The following USO1 variants were observed in gnomAD, a reference collection of about 807,000 sequenced individuals.
USO1 encodes USO1 vesicle transport factor.
In USO1, 57 loss-of-function variants were observed where a neutral mutation model predicts 124.5. The observed-to-expected ratio is 0.46, with a 90% CI of 0.37 to 0.57. The LOEUF is 0.57. Ranked by LOEUF, USO1 falls within the 20% of genes least tolerant of loss-of-function variation. USO1 has a pLI of 0.00. For synonymous variants in USO1, 369 were observed against 362.8 expected (o/e 1.02, Z -0.19); for missense variants, 900 against 1,040.6 (o/e 0.86, Z 1.86).
chr4:75,769,075 C>T (rs937311971), intron 4 of USO1, among the ~76,000 whole-genome samples: 1 of 152,126 alleles, frequency 6.6e-6, no homozygotes, highest in Non-Finnish European at 1.5e-5. Flanking sequence ...CTTTTCTTTC[C>T]CCACACTCCT....
At chr4:75,769,636 TGA>T (rs1383942883) in intron 4 of USO1, among the ~76,000 whole-genome samples, 1 of 152,018 alleles carries the variant, frequency 6.6e-6, no homozygotes, top group Non-Finnish European at 1.5e-5. Flanking sequence ...CTGGTGTGAG[TGA>T]GAGAATGGGA....
intron 9 of USO1, among the ~76,000 whole-genome samples, chr4:75,783,525 A>G (rs1192334944): frequency 2.6e-5 from 4 of 152,208 alleles, no homozygotes; most frequent in Admixed American, 2.6e-4. Context: ...CTCCTTCTCC[A>G]AACTGTTAAG....
chr4:75,749,682 T>TG lies in USO1; in HGVS notation c.67-2690dup, dbSNP rs940072487. Among the ~76,000 whole-genome samples, 10 of 150,044 alleles carry TG rather than the reference T, an allele frequency of 6.7e-5. No homozygotes were observed. The East Asian group carries it at 1.9e-3, about 29-fold the overall frequency. ...ATACTTGCTTTTTTAATGATAGTCT[T>TG]GAAAAAAAAAAAGTTAAAATACTAA... On this transcript the variant is annotated intron_variant, in intron 1 of 23. Transcript: ENST00000514213.
chr4:75,759,735 C>A (rs1265939401), intron 4 of USO1, among the ~76,000 whole-genome samples: 1 of 150,888 alleles, frequency 6.6e-6, no homozygotes, highest in Non-Finnish European at 1.5e-5. Context: ...CTGGAGAAAC[C>A]CCGTCTCTAC....
chr4:75,732,345 T>C (rs1720655201), intron 1 of USO1, among the ~76,000 whole-genome samples: 1 of 152,232 alleles, frequency 6.6e-6, no homozygotes, highest in Non-Finnish European at 1.5e-5. Flanking sequence ...GATTTTATTC[T>C]TTTTCATGTC....
At chr4:75,781,204 A>C (rs1166757148) in intron 8 of USO1, among the ~76,000 whole-genome samples, 1 of 152,184 alleles carries the variant, frequency 6.6e-6, no homozygotes, top group African/African-American at 2.4e-5. Context: ...GGAGGAACCA[A>C]CTGAAGATGT....
Position 75,782,827 on chromosome 4 carries a change from A to G in USO1, c.824A>G (p.Gln275Arg), listed in dbSNP as rs1722259062. The G allele has an allele frequency of 2.5e-6, 4 of 1,605,452 alleles. No individual in the cohort carries two copies. The East Asian group carries it at 6.7e-5, about 27-fold the overall frequency. The change falls in exon 9 of 24, where the codon CAG (glutamine) becomes CGG (arginine). Residue 275 changes from glutamine (Q) to arginine (R), a missense_variant. This residue lies in a region of USO1 where 538 missense variants were observed against 681.6 expected (regional missense o/e 0.79). Transcript: ENST00000514213. ...GATGAAAATTCTGGCTGGTCTGCAC[A>G]GAAAGTGACCAATCTACATCTAATG... ...VGDENSGWSAQKVTNLHLMLQ... is the reference protein window; with the variant it reads ...VGDENSGWSARKVTNLHLMLQ...
At position 75,813,344 on chromosome 4, in the gene USO1, G is replaced by A; in HGVS notation, c.*49G>A. 1 of 1,478,160 alleles carries A rather than the reference G, an allele frequency of 6.8e-7. No homozygotes were observed. The highest frequency in any genetic ancestry group is 9.0e-7 in the Non-Finnish European group (1 of 1,115,102). 91.6% of individuals were successfully genotyped at this position (1,478,160 alleles called of 1,614,324 possible). ...GAGATTATATCATAACTCTGAAGAT[G>A]GACTCTAAACTTTGGTTTACCTCCA... On this transcript the variant is annotated 3_prime_UTR_variant, in exon 24 of 24. Transcript: ENST00000514213.
intron 12 of USO1, among the ~76,000 whole-genome samples, chr4:75,792,262 C>T (rs1015825340): frequency 3.3e-5 from 5 of 151,956 alleles, no homozygotes; most frequent in Non-Finnish European, 7.4e-5. Flanking sequence ...TTAGGCTGGG[C>T]TTGGTGGCTC....
intron 9 of USO1, among the ~76,000 whole-genome samples, chr4:75,783,674 C>A (rs181564874): frequency 1.1e-3 from 163 of 152,168 alleles, no homozygotes; most frequent in African/African-American, 3.8e-3. Context: ...GAATGTTGTC[C>A]CATGCCATGG....
chr4:75,729,873 G>A, intron 1 of USO1: 1 of 349,468 alleles, frequency 2.9e-6, no homozygotes. Flanking sequence ...TATAAACACA[G>A]CCATATTTTC....
rs1721480241 is a variant in USO1, at chr4:75,757,483, TTTC to T, written c.219-11_219-9del. ...CATCAGCAGTGTATAAGTGTAATAATTTCTTTTTTCCAGTTCAGATTCTGAAAT... is the reference window on the plus strand; with the variant it reads ...CATCAGCAGTGTATAAGTGTAATAATTTTTTTCCAGTTCAGATTCTGAAAT... On this transcript the variant is annotated splice_polypyrimidine_tract_variant and intron_variant, in intron 3 of 23. Coordinates refer to ENST00000514213, the MANE Select transcript of USO1 (RefSeq NM_003715.4). 2 of 1,487,150 alleles carry T rather than the reference TTTC, an allele frequency of 1.3e-6. No homozygotes were observed. The highest frequency in any genetic ancestry group is 1.8e-6 in the Non-Finnish European group (2 of 1,115,632). 92.1% of individuals were successfully genotyped at this position (1,487,150 alleles called of 1,614,324 possible).
At chr4:75,737,211 C>T (rs1403312149) in intron 1 of USO1, among the ~76,000 whole-genome samples, 1 of 152,254 alleles carries the variant, frequency 6.6e-6, no homozygotes, top group Middle Eastern at 3.4e-3. Context: ...CCTCTGTTTC[C>T]TCATCTCTAA....
intron 4 of USO1, 64 bp from the exon 5 acceptor site, chr4:75,770,375 A>G: frequency 7.0e-7 from 1 of 1,426,716 alleles, no homozygotes; most frequent in Non-Finnish European, 9.3e-7. Flanking sequence ...TTAACTCTTC[A>G]ATGAAAGGAT....
In USO1 at chr4:75,744,019, G is replaced by A. The variant is rs192194646; in HGVS notation, c.67-8354G>A. 6.8e-4 allele frequency among the ~76,000 whole-genome samples: 104 copies of A among 152,056 alleles called. 1 individual carries two copies. The highest frequency in any genetic ancestry group is 2.3e-3 in the African/African-American group (96 of 41,496). On this transcript the variant is annotated intron_variant, in intron 1 of 23. Transcript: ENST00000514213. ...TCTGGATCTCCTGACCTCATGATCC[G>A]CCCGCCATGGCCTCCCAAAGTGCTG...
At position 75,734,718 on chromosome 4, in the gene USO1, C is replaced by CTTTTTTTTTTTTTTTTTTTTTTTT. The variant is rs55928639; in HGVS notation, c.66+9838_66+9861dup. Among the ~76,000 whole-genome samples, 2 of 47,450 alleles carry CTTTTTTTTTTTTTTTTTTTTTTTT rather than the reference C, an allele frequency of 4.2e-5. 1 individual carries two copies. The highest frequency in any genetic ancestry group is 7.1e-5 in the Non-Finnish European group (2 of 28,018). The allele number at this position is 47,450 out of a possible 152,430, so 31.1% of individuals were successfully genotyped here. ...CTGTAGATTGCTTTGGGCAGTATGG[C>CTTTTTTTTTTTTTTTTTTTTTTTT]TTTTTTTTTTTTTTTTTTTTTTTTT... On this transcript the variant is annotated intron_variant, in intron 1 of 23. Transcript: ENST00000514213.
intron 8 of USO1, among the ~76,000 whole-genome samples, chr4:75,780,298 G>A (rs538000784): frequency 4.0e-5 from 6 of 151,768 alleles, no homozygotes; most frequent in Admixed American, 1.3e-4. Flanking sequence ...ATGGAGTCTC[G>A]CACTGTCACT....
At chr4:75,769,903 A>G (rs1180040554) in intron 4 of USO1, among the ~76,000 whole-genome samples, 1 of 152,168 alleles carries the variant, frequency 6.6e-6, no homozygotes, top group Non-Finnish European at 1.5e-5. Flanking sequence ...TGTATATGAA[A>G]AAGATACTGA....
chr4:75,801,393 A>AATG (rs1722847523), intron 17 of USO1, among the ~76,000 whole-genome samples, 193 bp downstream of exon 17: 1 of 152,244 alleles, frequency 6.6e-6, no homozygotes, highest in Admixed American at 6.5e-5. Context: ...TTTATTAGAT[A>AATG]ATGATGAGTG....
Sources: gnomAD v4.1 joint callset for allele counts (sites outside exome capture counted in the v4.1 genomes callset) on GRCh38, gnomAD v4.1.1 for gene constraint, gnomAD v4.1.1 regional missense constraint, MANE v1.5 for transcripts, NCBI Gene and HGNC (gene_info 2026-07-23, HGNC 2026-07-21) for gene names.